ZNF385D: variants seen among roughly 807,000 people sequenced by gnomAD.
ZNF385D encodes zinc finger protein 659.
Under a neutral mutation model 35.8 loss-of-function variants are expected in ZNF385D, and 15 were observed. The observed-to-expected ratio is 0.42, with a 90% confidence interval of 0.28 to 0.64. The LOEUF is 0.64. Among genes scored for constraint, ZNF385D ranks in the 30% least tolerant of loss-of-function variants. ZNF385D has a pLI of 0.23. For synonymous variants in ZNF385D, 212 were observed against 186.8 expected, an observed-to-expected ratio of 1.13 and a Z score of -1.10; for missense variants, 474 against 494.6, an observed-to-expected ratio of 0.96 and a Z score of 0.39.
At position 21,418,147 on chromosome 3, in the gene ZNF385D, T is replaced by C. The variant is rs568199584; in HGVS notation, c.*3067A>G. ...GCATTTGGCTTCTGCAATGCATTTA[T>C]ATTTGTTTCAAATGAATCAGAGCTG... On this transcript the variant is annotated 3_prime_UTR_variant, in exon 8 of 8. Coordinates refer to ENST00000281523, the MANE Select transcript of ZNF385D (RefSeq NM_024697.3). 1.7e-4 allele frequency: 26 copies of C among 152,304 alleles called. No individual in the cohort carries two copies. Among genetic ancestry groups the C allele is most frequent in the African/African-American group, 5.8e-4 (24 of 41,580 alleles). The allele number at this position is 152,304 out of a possible 1,614,324, so 9.4% of individuals were successfully genotyped here. A position where few individuals can be genotyped will look rare whatever the true frequency, so the allele number is the denominator to read the frequency against.
At chr3:21,816,896 A>T (rs1192110864) in intron 3 of ZNF385D, among the ~76,000 whole-genome samples, 1 of 152,176 alleles carries the variant, frequency 6.6e-6, no homozygotes, top group East Asian at 1.9e-4. Context: ...AGCCAAAAGA[A>T]CAAAGCTGGA....
chr3:21,737,756 G>A (rs2069315457), intron 1 of ZNF385D, among the ~76,000 whole-genome samples: 1 of 152,184 alleles, frequency 6.6e-6, no homozygotes, highest in Admixed American at 6.5e-5. Context: ...AAAGGTGTTT[G>A]GATTACTATC....
chr3:22,067,875 A>G (rs532218134), intron 3 of ZNF385D, among the ~76,000 whole-genome samples: 3 of 152,224 alleles, frequency 2.0e-5, no homozygotes, highest in South Asian at 2.1e-4. Flanking sequence ...TACAAAAATT[A>G]GCTGGGCTTG....
intron 3 of ZNF385D, among the ~76,000 whole-genome samples, chr3:21,773,369 T>C (rs1388149005): frequency 6.6e-6 from 1 of 151,814 alleles, no homozygotes; most frequent in Non-Finnish European, 1.5e-5. Flanking sequence ...TGAAAGATTT[T>C]ATGATGAAGA....
At chr3:22,370,182 C>T (rs549026907) in intron 2 of ZNF385D, among the ~76,000 whole-genome samples, 7 of 152,232 alleles carry the variant, frequency 4.6e-5, no homozygotes, top group African/African-American at 1.7e-4. Context: ...AAAATCCTGT[C>T]AGGATCTGAG....
chr3:22,101,968 G>C (rs937828816), intron 3 of ZNF385D, among the ~76,000 whole-genome samples: 2 of 151,164 alleles, frequency 1.3e-5, no homozygotes, highest in African/African-American at 4.9e-5. Flanking sequence ...AGTTTCATAG[G>C]ATCTAGTATC....
intron 3 of ZNF385D, among the ~76,000 whole-genome samples, chr3:21,816,665 C>G (rs1000490882): frequency 6.6e-6 from 1 of 152,144 alleles, no homozygotes; most frequent in Non-Finnish European, 1.5e-5. Flanking sequence ...CTACAAACCA[C>G]TGCTCAATGA....
intron 1 of ZNF385D, 109 bp from the exon 2 acceptor site, chr3:21,665,137 C>T: frequency 7.3e-7 from 1 of 1,373,998 alleles, no homozygotes; most frequent in African/African-American, 1.5e-5. Flanking sequence ...CTGGAAAAAA[C>T]AAGACATGGA....
intron 1 of ZNF385D, among the ~76,000 whole-genome samples, chr3:21,736,758 A>G (rs562842874): frequency 6.0e-4 from 92 of 152,342 alleles, no homozygotes; most frequent in Middle Eastern, 3.4e-3. Context: ...AAGCTGTTTC[A>G]TGCTGTTCTA....
At position 21,664,919 on chromosome 3, in the gene ZNF385D, T is replaced by C. The variant is rs371403087; in HGVS notation, c.132A>G (p.Ala44=). 1.6e-5 allele frequency: 26 copies of C among 1,613,748 alleles called. No homozygotes were observed. The highest frequency in any genetic ancestry group is 2.1e-5 in the Non-Finnish European group (25 of 1,179,746). ...AATTGGGGAAGAGGTTGACTGCAGCTGCAGTGTCAAGAGGAAAGGGAAGAA... is the reference window on the plus strand; with the variant it reads ...AATTGGGGAAGAGGTTGACTGCAGCCGCAGTGTCAAGAGGAAAGGGAAGAA... ...KPFLPFPLDT[A]AAVNLFPNFN... The change falls in exon 2 of 8, where the codon GCA becomes GCG. Residue 44 remains alanine, a synonymous_variant. Coordinates refer to ENST00000281523, the MANE Select transcript of ZNF385D (RefSeq NM_024697.3).
chr3:22,057,312 C>A (rs1468127311), intron 3 of ZNF385D, among the ~76,000 whole-genome samples: 3 of 152,094 alleles, frequency 2.0e-5, no homozygotes, highest in Non-Finnish European at 4.4e-5. Context: ...ATCACATAAT[C>A]ATTTTAAAGT....
chr3:21,990,708 A>C (rs1039373635), intron 3 of ZNF385D, among the ~76,000 whole-genome samples: 25 of 152,310 alleles, frequency 1.6e-4, no homozygotes, highest in African/African-American at 6.0e-4. Context: ...TCTTTCCCTC[A>C]CTTTCTTTTT....
intron 3 of ZNF385D, among the ~76,000 whole-genome samples, chr3:22,068,774 A>ATATTCTATTACCTTGT (rs1700090017): frequency 6.6e-6 from 1 of 152,246 alleles, no homozygotes; most frequent in Non-Finnish European, 1.5e-5. Flanking sequence ...TGACACGTGA[A>ATATTCTATTACCTTGT]GAAAAACATT....
At chr3:21,899,029 A>T (rs1356421369) in intron 3 of ZNF385D, among the ~76,000 whole-genome samples, 1 of 152,148 alleles carries the variant, frequency 6.6e-6, no homozygotes, top group Non-Finnish European at 1.5e-5. Flanking sequence ...AAGTTGAGTT[A>T]TTCCCTCAGA....
intron 3 of ZNF385D, among the ~76,000 whole-genome samples, chr3:21,832,006 T>G (rs1220052288): frequency 6.6e-6 from 1 of 152,216 alleles, no homozygotes; most frequent in African/African-American, 2.4e-5. Context: ...TTAATTAGCT[T>G]GCATACCACT....
intron 3 of ZNF385D, among the ~76,000 whole-genome samples, chr3:21,829,443 A>G (rs1694849874): frequency 6.6e-6 from 1 of 152,142 alleles, no homozygotes; most frequent in African/African-American, 2.4e-5. Context: ...GTAGTGGCTT[A>G]GAGTGGCAGA....
At chr3:21,870,194 C>A (rs1208175811) in intron 3 of ZNF385D, among the ~76,000 whole-genome samples, 1 of 152,130 alleles carries the variant, frequency 6.6e-6, no homozygotes, top group African/African-American at 2.4e-5. Context: ...TTCTTCCTGA[C>A]CAATATCATA....
At chr3:22,126,088 G>T (rs1279104707) in intron 3 of ZNF385D, among the ~76,000 whole-genome samples, 1 of 151,920 alleles carries the variant, frequency 6.6e-6, no homozygotes, top group African/African-American at 2.4e-5. Flanking sequence ...TATGTTCCTT[G>T]TATACCCAGG....
chr3:21,429,714 C>T lies in ZNF385D; in HGVS notation c.674-4044G>A, dbSNP rs893385549. The stretch of plus-strand genomic sequence containing the variant: ...TAGTTGGTATAGTCTGAAAAAGTTG[C>T]CCCTCTCTAAAATAAATTTGAATAC... On this transcript the variant is annotated intron_variant, in intron 5 of 7. Coordinates refer to ENST00000281523, the MANE Select transcript of ZNF385D (RefSeq NM_024697.3). Among the ~76,000 whole-genome samples the T allele has an allele frequency of 2.0e-5, 3 of 151,962 alleles. No homozygotes were observed. In the East Asian group the frequency reaches 5.8e-4, roughly 29 times the overall value.
Sources: gnomAD v4.1 joint callset for allele counts (sites outside exome capture counted in the v4.1 genomes callset) on GRCh38, gnomAD v4.1.1 for gene constraint, MANE v1.5 for transcripts, NCBI Gene and HGNC (gene_info 2026-07-23, HGNC 2026-07-21) for gene names.